Variants in EYS observed in about 807,000 individuals in gnomAD.
The protein encoded by EYS is protein eyes shut homolog.
In EYS, 250 loss-of-function variants were observed where a neutral mutation model predicts 282.1. The ratio of observed to expected loss-of-function variants is 0.89; its 90% confidence interval spans 0.80 to 0.98. The LOEUF (loss-of-function observed/expected upper bound fraction) is 0.98, where lower values mean the gene tolerates loss of function less well. EYS is among the 50% of genes least tolerant of loss of function. The pLI is 0.00. For missense variants in EYS, 4,016 were observed against 3,709.0 expected (o/e 1.08, Z -2.15); for synonymous variants, 1,355 against 1,282.9 (o/e 1.06, Z -1.20).
chr6:65,513,914 C>T (rs1353725370), intron 2 of EYS, among the ~76,000 whole-genome samples: 1 of 152,168 alleles, frequency 6.6e-6, no homozygotes, highest in African/African-American at 2.4e-5. Flanking sequence ...CACTCCTATT[C>T]AACATAGTGT....
chr6:63,741,887 G>C lies in EYS; in HGVS notation c.8072-15207C>G, dbSNP rs140155699. On this transcript the variant is annotated intron_variant, in intron 41 of 42. Transcript: ENST00000503581. ...GTAGTCAGGGTAGTCGTATGTTTTT[G>C]TTTTGCTGTTTGTACTGGTCCTTAC... 3,680 of 701,994 alleles carry C rather than the reference G, an allele frequency of 5.2e-3. 24 individuals are homozygous for C. Among genetic ancestry groups the C allele is most frequent in the Non-Finnish European group, 5.4e-3 (2,091 of 384,606 alleles). The allele number at this position is 701,994 out of a possible 1,614,324, so 43.5% of individuals were successfully genotyped here. A position where few individuals can be genotyped will look rare whatever the true frequency, so the allele number is the denominator to read the frequency against.
At chr6:63,783,775 G>A (rs1770295018) in intron 39 of EYS, among the ~76,000 whole-genome samples, 2 of 152,236 alleles carry the variant, frequency 1.3e-5, no homozygotes, top group South Asian at 4.1e-4. Flanking sequence ...CTGAGGCAGG[G>A]AAAATAAGAC....
At chr6:63,840,852 T>C (rs919825133) in intron 36 of EYS, among the ~76,000 whole-genome samples, 2 of 152,204 alleles carry the variant, frequency 1.3e-5, no homozygotes, top group Admixed American at 1.3e-4. Context: ...GCTTTAAATA[T>C]ATGAATTTAT....
intron 34 of EYS, among the ~76,000 whole-genome samples, chr6:63,989,182 T>A (rs1382419518): frequency 6.6e-6 from 1 of 151,716 alleles, no homozygotes; most frequent in Admixed American, 6.6e-5. Flanking sequence ...TTTAAGATTA[T>A]GATGACTTAC....
At chr6:63,981,231 G>A (rs748296581) in intron 35 of EYS, among the ~76,000 whole-genome samples, 4 of 151,752 alleles carry the variant, frequency 2.6e-5, no homozygotes, top group Non-Finnish European at 5.9e-5. Context: ...TGGAGTGCTA[G>A]CTGTAGGGTT....
chr6:63,797,055 G>C (rs987916536), intron 37 of EYS: 2 of 152,192 alleles, frequency 1.3e-5, no homozygotes, highest in African/African-American at 4.8e-5. Context: ...TTTGATTATA[G>C]TTCTAGGGCT....
At chr6:64,417,931 C>G (rs1048493699) in intron 28 of EYS, among the ~76,000 whole-genome samples, 8 of 152,100 alleles carry the variant, frequency 5.3e-5, no homozygotes, top group African/African-American at 1.9e-4. Flanking sequence ...ATTGGCCTCC[C>G]AAAATGCTGG....
chr6:63,738,614 C>A (rs1768990764), intron 41 of EYS, among the ~76,000 whole-genome samples: 1 of 148,958 alleles, frequency 6.7e-6, no homozygotes, highest in Admixed American at 6.7e-5. Context: ...GGAGGGATAG[C>A]TTTAGGAGAT....
At chr6:64,696,556 G>C (rs1770588372) in intron 22 of EYS, among the ~76,000 whole-genome samples, 1 of 152,052 alleles carries the variant, frequency 6.6e-6, no homozygotes, top group Non-Finnish European at 1.5e-5. Context: ...GTAGCCATTA[G>C]ACTCTCTAAA....
chr6:63,955,827 T>C (rs1765793241), intron 35 of EYS, among the ~76,000 whole-genome samples: 1 of 152,230 alleles, frequency 6.6e-6, no homozygotes, highest in Admixed American at 6.5e-5. Context: ...CTCCCAATTC[T>C]TAGTCCTTTA....
At chr6:65,072,417 C>T (rs1184580625) in intron 12 of EYS, among the ~76,000 whole-genome samples, 2 of 151,678 alleles carry the variant, frequency 1.3e-5, no homozygotes, top group African/African-American at 2.4e-5. Flanking sequence ...AAGAAAGCTA[C>T]CCTGAATTAT....
chr6:65,320,429 G>A (rs1332897721), intron 11 of EYS, among the ~76,000 whole-genome samples: 2 of 152,180 alleles, frequency 1.3e-5, no homozygotes, highest in East Asian at 1.9e-4. Context: ...ATGGAGGAAG[G>A]AGATGATGAG....
At chr6:65,673,246 G>T (rs1401402873) in intron 1 of EYS, among the ~76,000 whole-genome samples, 2 of 152,044 alleles carry the variant, frequency 1.3e-5, no homozygotes, top group African/African-American at 2.4e-5. Context: ...GAGATAATGG[G>T]CGATGTTTCT....
chr6:64,295,496 GA>G (rs1419131359), intron 30 of EYS, among the ~76,000 whole-genome samples: 6 of 33,238 alleles, frequency 1.8e-4, no homozygotes, highest in East Asian at 5.3e-4. Flanking sequence ...AGAAGAAGAA[GA>G]AAGAAGAAAG....
chr6:65,585,643 T>A (rs1765018656), intron 2 of EYS, among the ~76,000 whole-genome samples: 1 of 151,982 alleles, frequency 6.6e-6, no homozygotes, highest in African/African-American at 2.4e-5. Context: ...TTTGTCATAA[T>A]GAGAAGACAA....
intron 29 of EYS, among the ~76,000 whole-genome samples, chr6:64,384,243 C>G (rs1015085290): frequency 7.2e-5 from 11 of 152,042 alleles, no homozygotes; most frequent in African/African-American, 2.4e-4. Flanking sequence ...ACCAGTGTCC[C>G]TATTTCCAAA....
chr6:64,902,737 C>T (rs963744596), intron 16 of EYS, among the ~76,000 whole-genome samples: 2 of 152,066 alleles, frequency 1.3e-5, no homozygotes, highest in Admixed American at 6.6e-5. Flanking sequence ...TCCACTAAAT[C>T]CCCTGAGAAG....
At chr6:65,533,922 A>T (rs1207083325) in intron 2 of EYS, among the ~76,000 whole-genome samples, 1 of 152,118 alleles carries the variant, frequency 6.6e-6, no homozygotes, top group African/African-American at 2.4e-5. Flanking sequence ...AGAAACACAG[A>T]TCAATCTCAA....
At chr6:64,750,218 A>G (rs893103535) in intron 22 of EYS, among the ~76,000 whole-genome samples, 10 of 152,106 alleles carry the variant, frequency 6.6e-5, no homozygotes, top group African/African-American at 2.2e-4. Context: ...AATAAAATAG[A>G]GAGCAAAAGA....
Sources: allele counts gnomAD v4.1 joint callset (sites outside exome capture counted in the v4.1 genomes callset), GRCh38; gene constraint gnomAD v4.1.1; transcripts MANE v1.5; gene names NCBI Gene and HGNC (gene_info 2026-07-23, HGNC 2026-07-21).